The following TRAPPC9 variants were observed in gnomAD, a reference collection of about 807,000 sequenced individuals.
The protein encoded by TRAPPC9 is IKK2 binding protein.
In TRAPPC9, 83 loss-of-function variants were observed where a neutral mutation model predicts 124.0. The ratio of observed to expected loss-of-function variants is 0.67; its 90% confidence interval spans 0.56 to 0.80. The LOEUF (loss-of-function observed/expected upper bound fraction) is 0.80. Among genes scored for constraint, TRAPPC9 ranks in the 30% least tolerant of loss-of-function variants. The pLI is 0.00. For synonymous variants in TRAPPC9, 638 were observed against 617.5 expected (o/e 1.03, Z -0.49); for missense variants, 1,302 against 1,508.3 (o/e 0.86, Z 2.27).
intron 16 of TRAPPC9, among the ~76,000 whole-genome samples, chr8:140,245,993 T>A (rs1251791778): frequency 6.6e-6 from 1 of 152,222 alleles, no homozygotes; most frequent in Admixed American, 6.5e-5. Context: ...GAGACTCCCC[T>A]CATCAACTGG....
chr8:140,138,038 C>T (rs995070672), intron 17 of TRAPPC9, among the ~76,000 whole-genome samples: 9 of 152,182 alleles, frequency 5.9e-5, no homozygotes, highest in Non-Finnish European at 4.4e-5. Flanking sequence ...CACTGGCTCA[C>T]GCCTGTAATC....
intron 21 of TRAPPC9, among the ~76,000 whole-genome samples, chr8:139,856,341 C>G (rs532403530): frequency 6.7e-6 from 1 of 149,298 alleles, no homozygotes; most frequent in Non-Finnish European, 1.5e-5. Context: ...CAACCCTCTC[C>G]GGGGATTTTT....
intron 19 of TRAPPC9, among the ~76,000 whole-genome samples, chr8:139,985,811 TA>T (rs1258549405): frequency 6.6e-6 from 1 of 152,134 alleles, no homozygotes; most frequent in Non-Finnish European, 1.5e-5. Context: ...TGGAAATGAA[TA>T]AAGTGGCATA....
At chr8:140,107,729 G>A (rs2060692527) in intron 17 of TRAPPC9, among the ~76,000 whole-genome samples, 1 of 152,230 alleles carries the variant, frequency 6.6e-6, no homozygotes, top group Admixed American at 6.5e-5. Context: ...CCACAAGACA[G>A]CCATGAGAAG....
In TRAPPC9 at chr8:140,218,816, C is replaced by T. The variant is rs190239748; in HGVS notation, c.2556+2643G>A. ...CTCTGCTAAAAATATAAAAATTAGC[C>T]GGGTGTGGTGGCGCACGCCTGTAAT... is the stretch of plus-strand genomic sequence containing the variant. On this transcript the variant is annotated intron_variant, in intron 17 of 22. Coordinates refer to ENST00000438773, the MANE Select transcript of TRAPPC9 (RefSeq NM_001160372.4). Among the ~76,000 whole-genome samples, 7 of 152,044 alleles carry T rather than the reference C, an allele frequency of 4.6e-5. No homozygotes were observed. The South Asian group carries it at 6.2e-4, about 14-fold the overall frequency.
chr8:140,085,297 T>G (rs1207262740), intron 17 of TRAPPC9, among the ~76,000 whole-genome samples: 2 of 150,452 alleles, frequency 1.3e-5, no homozygotes, highest in African/African-American at 4.9e-5. Context: ...CACTTTGGGT[T>G]CCTGCTGCAT....
intron 15 of TRAPPC9, among the ~76,000 whole-genome samples, chr8:140,258,712 C>T (rs1251514443): frequency 6.6e-6 from 1 of 152,246 alleles, no homozygotes; most frequent in Non-Finnish European, 1.5e-5. Context: ...TCGATCCAGT[C>T]AATCAATTCA....
At chr8:139,833,523 A>G (rs1213692312) in intron 21 of TRAPPC9, among the ~76,000 whole-genome samples, 3 of 152,216 alleles carry the variant, frequency 2.0e-5, no homozygotes, top group Non-Finnish European at 4.4e-5. Flanking sequence ...CTGACTTCAG[A>G]GGTTGGCAGG....
At chr8:140,348,023 C>T (rs374605394) in intron 9 of TRAPPC9, among the ~76,000 whole-genome samples, 10 of 152,368 alleles carry the variant, frequency 6.6e-5, no homozygotes, top group East Asian at 1.9e-4. Context: ...AATTTGCCAT[C>T]GGCAACTCCA....
chr8:140,274,279 C>T (rs1200196684), intron 15 of TRAPPC9, among the ~76,000 whole-genome samples: 2 of 152,084 alleles, frequency 1.3e-5, no homozygotes, highest in Non-Finnish European at 2.9e-5. Context: ...AATGAGTGTG[C>T]ACCAACAAGC....
chr8:140,441,623 C>T (rs1328867280), intron 2 of TRAPPC9, among the ~76,000 whole-genome samples: 1 of 151,782 alleles, frequency 6.6e-6, no homozygotes, highest in South Asian at 2.1e-4. Flanking sequence ...GACTTCGAGA[C>T]GGCTGGGCAA....
chr8:139,824,312 G>C (rs746175750), intron 21 of TRAPPC9, among the ~76,000 whole-genome samples: 1 of 152,144 alleles, frequency 6.6e-6, no homozygotes, highest in Non-Finnish European at 1.5e-5. Flanking sequence ...GATGCCAAGC[G>C]TGCTTCCTGT....
chr8:139,762,182 T>G (rs993648915), intron 21 of TRAPPC9, among the ~76,000 whole-genome samples: 32 of 151,776 alleles, frequency 2.1e-4, no homozygotes, highest in African/African-American at 7.5e-4. Context: ...GCATTTGGGC[T>G]GAGGAAGACC....
At chr8:140,135,566 T>C (rs1387352281) in intron 17 of TRAPPC9, among the ~76,000 whole-genome samples, 1 of 152,166 alleles carries the variant, frequency 6.6e-6, no homozygotes. Flanking sequence ...TTCCACATAC[T>C]GAATCATCTA....
chr8:140,342,991 T>C (rs1406192263), intron 9 of TRAPPC9, among the ~76,000 whole-genome samples: 2 of 152,164 alleles, frequency 1.3e-5, no homozygotes, highest in East Asian at 1.9e-4. Flanking sequence ...TGTTAATCTA[T>C]ACAATGGGAA....
intron 21 of TRAPPC9, among the ~76,000 whole-genome samples, chr8:139,736,400 T>G (rs887415643): frequency 1.1e-4 from 17 of 152,322 alleles, no homozygotes; most frequent in African/African-American, 3.6e-4. Context: ...AATGCATTTC[T>G]GTGCTCAGCA....
chr8:140,103,641 T>C (rs1183625497), intron 17 of TRAPPC9, among the ~76,000 whole-genome samples: 1 of 152,190 alleles, frequency 6.6e-6, no homozygotes, highest in South Asian at 2.1e-4. Flanking sequence ...TAGAATCTAA[T>C]AAGTAGCAAT....
At chr8:139,976,985 C>T (rs775639537) in intron 19 of TRAPPC9, among the ~76,000 whole-genome samples, 1 of 152,166 alleles carries the variant, frequency 6.6e-6, no homozygotes, top group Non-Finnish European at 1.5e-5. Flanking sequence ...GTCAATGCTG[C>T]CCCAATTTCT....
chr8:139,836,914 G>A (rs1826395770), intron 21 of TRAPPC9, among the ~76,000 whole-genome samples: 1 of 152,074 alleles, frequency 6.6e-6, no homozygotes, highest in Admixed American at 6.5e-5. Flanking sequence ...GATGTGAACG[G>A]CTCCTTCTGT....
Sources: allele counts gnomAD v4.1 joint callset (sites outside exome capture counted in the v4.1 genomes callset), GRCh38; gene constraint gnomAD v4.1.1; transcripts MANE v1.5; gene names NCBI Gene and HGNC (gene_info 2026-07-23, HGNC 2026-07-21).